Variants in CAB39L observed in about 807,000 individuals in gnomAD.
CAB39L encodes calcium-binding protein 39-like.
Under a neutral mutation model 39.1 loss-of-function variants are expected in CAB39L, and 23 were observed. That is an observed-to-expected ratio of 0.59 (90% confidence interval 0.42 to 0.83). The LOEUF (loss-of-function observed/expected upper bound fraction) is 0.83. Ranked by LOEUF, CAB39L falls within the 40% of genes least tolerant of loss-of-function variation. CAB39L has a pLI of 0.00. For synonymous variants in CAB39L, 126 were observed against 137.2 expected (o/e 0.92, Z 0.57); for missense variants, 366 against 391.9 (o/e 0.93, Z 0.56).
At chr13:49,420,527 T>C (rs1242105137) in intron 3 of CAB39L, 1 of 152,416 alleles carries the variant, frequency 6.6e-6, no homozygotes, top group African/African-American at 2.4e-5. Context: ...TTCCAGGCTG[T>C]CGCCTCAGCT....
At chr13:49,349,346 TA>T (rs916926942) in intron 7 of CAB39L, among the ~76,000 whole-genome samples, 1 of 151,128 alleles carries the variant, frequency 6.6e-6, no homozygotes, top group Non-Finnish European at 1.5e-5. Context: ...GTAAAACTTG[TA>T]AAAAAAAGTT....
intron 10 of CAB39L, among the ~76,000 whole-genome samples, chr13:49,322,690 A>G (rs1439189112): frequency 6.6e-6 from 1 of 152,240 alleles, no homozygotes; most frequent in Non-Finnish European, 1.5e-5. Context: ...TAGAAAGAAT[A>G]GACTCTTGTA....
intron 3 of CAB39L, among the ~76,000 whole-genome samples, chr13:49,399,642 A>G (rs974492424): frequency 2.0e-5 from 3 of 152,078 alleles, no homozygotes; most frequent in Non-Finnish European, 4.4e-5. Flanking sequence ...TCTCAAATAC[A>G]AAGTGTTTGT....
intron 3 of CAB39L, among the ~76,000 whole-genome samples, chr13:49,406,844 T>C (rs1956891363): frequency 6.6e-6 from 1 of 152,196 alleles, no homozygotes; most frequent in Non-Finnish European, 1.5e-5. Flanking sequence ...ATGTCTAATA[T>C]AGATTCAAAA....
At chr13:49,335,502 T>C (rs1444982882) in intron 9 of CAB39L, among the ~76,000 whole-genome samples, 6 of 152,206 alleles carry the variant, frequency 3.9e-5, no homozygotes, top group African/African-American at 1.4e-4. Context: ...CATTCCAGAA[T>C]AATACAAAGC....
chr13:49,339,765 T>C (rs774436574), intron 8 of CAB39L, 23 bp from the exon 9 acceptor site: 2 of 1,541,140 alleles, frequency 1.3e-6, no homozygotes, highest in East Asian at 2.4e-5. Flanking sequence ...AAATACACAT[T>C]AGAGTGTAAA....
intron 10 of CAB39L, among the ~76,000 whole-genome samples, chr13:49,317,461 T>C (rs1188667160): frequency 1.3e-5 from 2 of 151,490 alleles, no homozygotes; most frequent in African/African-American, 4.9e-5. Flanking sequence ...GCCTGGGAGG[T>C]TGAGGATGCG....
At chr13:49,341,299 G>C (rs1041229041) in intron 8 of CAB39L, among the ~76,000 whole-genome samples, 10 of 151,584 alleles carry the variant, frequency 6.6e-5, no homozygotes, top group Admixed American at 4.6e-4. Context: ...TGATGCCAAG[G>C]CTGGAGTGCT....
intron 3 of CAB39L, among the ~76,000 whole-genome samples, chr13:49,430,410 A>G (rs1957303717): frequency 6.6e-6 from 1 of 152,216 alleles, no homozygotes; most frequent in African/African-American, 2.4e-5. Flanking sequence ...GGTGGCTATA[A>G]CCTAATTGAA....
chr13:49,383,670 T>A (rs1283282201), intron 3 of CAB39L, among the ~76,000 whole-genome samples: 1 of 152,190 alleles, frequency 6.6e-6, no homozygotes, highest in Non-Finnish European at 1.5e-5. Context: ...CATATAAAAG[T>A]TATATTTACG....
At chr13:49,339,826 C>A in intron 8 of CAB39L, 84 bp from the exon 9 acceptor site, 1 of 1,322,586 alleles carries the variant, frequency 7.6e-7, no homozygotes. Flanking sequence ...TTTTCAGGAG[C>A]AAATTCCCAA....
At chr13:49,443,376 C>G (rs1957580248) in intron 1 of CAB39L, among the ~76,000 whole-genome samples, 1 of 152,060 alleles carries the variant, frequency 6.6e-6, no homozygotes, top group South Asian at 2.1e-4. Context: ...CTTGGCTGCC[C>G]GCTAATGTAC....
chr13:49,375,897 G>GT (rs548146049), intron 5 of CAB39L, among the ~76,000 whole-genome samples: 5 of 152,248 alleles, frequency 3.3e-5, no homozygotes, highest in African/African-American at 1.2e-4. Context: ...AAAGACAGCT[G>GT]TAACTGAAAG....
At chr13:49,319,427 C>CAGGGGATGGAGGTG (rs1478435403) in intron 10 of CAB39L, among the ~76,000 whole-genome samples, 2 of 151,802 alleles carry the variant, frequency 1.3e-5, no homozygotes, top group African/African-American at 4.8e-5. Context: ...TAATGATCGC[C>CAGGGGATGGAGGTG]AGGGGATGGA....
At chr13:49,428,320 T>C (rs1048341841) in intron 3 of CAB39L, among the ~76,000 whole-genome samples, 2 of 152,214 alleles carry the variant, frequency 1.3e-5, no homozygotes, top group Non-Finnish European at 2.9e-5. Context: ...TTCTTTGCTG[T>C]TTGGGCCTCT....
rs1343240412 is a variant in CAB39L at position 49,329,539 on chromosome 13, AAAAAAATATATATATATAT to A, written c.834+2389_834+2407del. 1.6e-3 allele frequency among the ~76,000 whole-genome samples: 58 copies of A among 36,240 alleles called. 2 individuals are homozygous for A. The highest frequency in any genetic ancestry group is 0.011 in the Admixed American group (30 of 2,786). 23.8% of individuals were successfully genotyped at this position (36,240 alleles called of 152,430 possible). A position where few individuals can be genotyped will look rare whatever the true frequency, so the allele number is the denominator to read the frequency against. On this transcript the variant is annotated intron_variant, in intron 10 of 10. Transcript: ENST00000409308. ...GTCCTACATATCTCTTCAATTAAAAAAAAAAATATATATATATATATATATATATATATATATATATATA... is the reference window on the plus strand; with the variant it reads ...GTCCTACATATCTCTTCAATTAAAAAATATATATATATATATATATATATA...
intron 3 of CAB39L, among the ~76,000 whole-genome samples, chr13:49,396,995 G>C (rs1404349079): frequency 6.6e-6 from 1 of 152,106 alleles, no homozygotes; most frequent in Non-Finnish European, 1.5e-5. Flanking sequence ...TATCCAAGAA[G>C]ACTCTCCCCC....
intron 3 of CAB39L, among the ~76,000 whole-genome samples, chr13:49,421,310 G>C (rs1449744595): frequency 2.6e-5 from 4 of 152,078 alleles, no homozygotes; most frequent in African/African-American, 9.7e-5. Flanking sequence ...ACAGAAAAAA[G>C]TGAAACTCCA....
At chr13:49,406,776 A>G (rs1281540201) in intron 3 of CAB39L, among the ~76,000 whole-genome samples, 1 of 152,184 alleles carries the variant, frequency 6.6e-6, no homozygotes, top group Non-Finnish European at 1.5e-5. Flanking sequence ...CACTTATACC[A>G]CAAATCTTTG....
Sources: gnomAD v4.1 joint callset for allele counts (sites outside exome capture counted in the v4.1 genomes callset) on GRCh38, gnomAD v4.1.1 for gene constraint, MANE v1.5 for transcripts, NCBI Gene and HGNC (gene_info 2026-07-23, HGNC 2026-07-21) for gene names.